MAP3K5: variants seen among roughly 807,000 people sequenced by gnomAD.
The protein encoded by MAP3K5 is mitogen-activated protein kinase kinase kinase 5.
MAP3K5 carries 56 observed loss-of-function variants against 158.7 expected under a neutral mutation model. The observed-to-expected ratio is 0.35, with a 90% CI of 0.28 to 0.44. The LOEUF (loss-of-function observed/expected upper bound fraction) is 0.44. MAP3K5 is among the 20% of genes least tolerant of loss of function. The pLI is 1.00. For missense variants in MAP3K5, 1,294 were observed against 1,674.8 expected (o/e 0.77, Z 3.97); for synonymous variants, 579 against 601.7 (o/e 0.96, Z 0.55).
chr6:136,571,258 C>T (rs1774350068), intron 25 of MAP3K5, among the ~76,000 whole-genome samples: 1 of 152,206 alleles, frequency 6.6e-6, no homozygotes, highest in African/African-American at 2.4e-5. Flanking sequence ...GCTTTACTCA[C>T]TCTCCAATGT....
chr6:136,765,146 G>C (rs1366166083), intron 1 of MAP3K5, among the ~76,000 whole-genome samples: 3 of 152,146 alleles, frequency 2.0e-5, no homozygotes, highest in Non-Finnish European at 4.4e-5. Context: ...AAAGCCTCTT[G>C]GTAGATTCAT....
At chr6:136,579,931 C>G in intron 25 of MAP3K5, 1 of 452,090 alleles carries the variant, frequency 2.2e-6, no homozygotes, top group South Asian at 1.6e-5. Flanking sequence ...TATGCAATAC[C>G]TCCTTAAATT....
intron 21 of MAP3K5, among the ~76,000 whole-genome samples, chr6:136,594,448 G>GA (rs1246241127): frequency 2.0e-5 from 3 of 152,266 alleles, no homozygotes; most frequent in East Asian, 3.9e-4. Context: ...CTTTAGAACA[G>GA]AAAAAAATAG....
Position 136,698,611 on chromosome 6 carries a change from G to A in MAP3K5, c.684C>T (p.Ser228=), listed in dbSNP as rs749209674. 3 of 1,614,016 alleles carry A rather than the reference G, an allele frequency of 1.9e-6. No homozygotes were observed. In the South Asian group the frequency reaches 3.3e-5, roughly 18 times the overall value. ...TPHNKVYCCD[S]SFMKGLTELM... ...GCTCTGTCAACCCCTTCATGAAGCTGCTGTCACAGCAGTAGACTTTGTTAT... is the reference window on the plus strand; with the variant it reads ...GCTCTGTCAACCCCTTCATGAAGCTACTGTCACAGCAGTAGACTTTGTTAT... Residue 228 remains serine (S), a synonymous_variant, in exon 4 of 30, where the codon AGC becomes AGT. Transcript: ENST00000359015.
At chr6:136,741,965 T>G (rs1443993339) in intron 1 of MAP3K5, among the ~76,000 whole-genome samples, 1 of 152,056 alleles carries the variant, frequency 6.6e-6, no homozygotes, top group Non-Finnish European at 1.5e-5. Context: ...TATGAGGAAA[T>G]CTATAAAACC....
chr6:136,761,301 A>AG (rs966825384), intron 1 of MAP3K5, among the ~76,000 whole-genome samples: 1 of 151,328 alleles, frequency 6.6e-6, no homozygotes, highest in East Asian at 1.9e-4. Context: ...AAAAAAAAAA[A>AG]AAAAAACGAA....
intron 21 of MAP3K5, among the ~76,000 whole-genome samples, chr6:136,599,933 G>T (rs1000078169): frequency 6.6e-6 from 1 of 152,026 alleles, no homozygotes; most frequent in African/African-American, 2.4e-5. Context: ...GAGGTACAAG[G>T]GTGTGCCTGT....
At chr6:136,574,084 T>C (rs1774489955) in intron 25 of MAP3K5, among the ~76,000 whole-genome samples, 1 of 152,066 alleles carries the variant, frequency 6.6e-6, no homozygotes, top group African/African-American at 2.4e-5. Context: ...GCATGCGCCA[T>C]CATACCTGGC....
At chr6:136,618,518 G>A (rs1476902555) in intron 15 of MAP3K5, among the ~76,000 whole-genome samples, 1 of 152,230 alleles carries the variant, frequency 6.6e-6, no homozygotes, top group Non-Finnish European at 1.5e-5. Context: ...TTTTAAAAGT[G>A]AGTTTCTTCC....
chr6:136,658,619 AC>A (rs1778871089), intron 9 of MAP3K5, among the ~76,000 whole-genome samples: 1 of 152,072 alleles, frequency 6.6e-6, no homozygotes, highest in Non-Finnish European at 1.5e-5. Flanking sequence ...CCCGGCCAAC[AC>A]TGTTTTTCAA....
In MAP3K5 at chr6:136,557,952, A is replaced by G. The variant is rs572965404; in HGVS notation, c.4065-134T>C. The stretch of plus-strand genomic sequence containing the variant: ...CCCAAAGTCTGATCAGTTATTATGT[A>G]TTCTTTTTGTATATTTTTTCTCATC... On this transcript the variant is annotated intron_variant, in intron 29 of 29. Coordinates refer to ENST00000359015, the MANE Select transcript of MAP3K5 (RefSeq NM_005923.4). 9.3e-6 allele frequency: 6 copies of G among 642,208 alleles called. No individual in the cohort carries two copies. The East Asian group carries it at 1.4e-4, about 15-fold the overall frequency. The allele number at this position is 642,208 out of a possible 1,614,324, so 39.8% of individuals were successfully genotyped here. A position where few individuals can be genotyped will look rare whatever the true frequency, so the allele number is the denominator to read the frequency against.
At chr6:136,677,801 C>G (rs1029316174) in intron 7 of MAP3K5, among the ~76,000 whole-genome samples, 1 of 152,192 alleles carries the variant, frequency 6.6e-6, no homozygotes, top group Admixed American at 6.5e-5. Context: ...AATACAACAG[C>G]ATAGATGACG....
chr6:136,694,795 G>C (rs1486272377), intron 6 of MAP3K5, among the ~76,000 whole-genome samples: 1 of 152,194 alleles, frequency 6.6e-6, no homozygotes, highest in Non-Finnish European at 1.5e-5. Flanking sequence ...TTCTACGTGT[G>C]ACTAACTGAT....
chr6:136,679,377 G>GAT (rs1239125524), intron 7 of MAP3K5, among the ~76,000 whole-genome samples: 1 of 152,110 alleles, frequency 6.6e-6, no homozygotes, highest in Non-Finnish European at 1.5e-5. Context: ...CCTTGTTTGT[G>GAT]ATATAACAGT....
intron 1 of MAP3K5, among the ~76,000 whole-genome samples, chr6:136,782,789 G>A (rs1197949934): frequency 2.6e-5 from 4 of 152,126 alleles, no homozygotes; most frequent in Admixed American, 6.6e-5. Context: ...TTATCACAAT[G>A]TAGTTTCAGT....
chr6:136,700,427 C>T (rs941609269), intron 3 of MAP3K5, among the ~76,000 whole-genome samples: 6 of 152,126 alleles, frequency 3.9e-5, no homozygotes, highest in South Asian at 4.1e-4. Context: ...GGCAATTCTG[C>T]ACTTCTAAGG....
At chr6:136,641,865 G>A (rs992273192) in intron 12 of MAP3K5, among the ~76,000 whole-genome samples, 11 of 151,542 alleles carry the variant, frequency 7.3e-5, no homozygotes, top group East Asian at 1.9e-4. Context: ...ACATGCGCCC[G>A]TAATCCCAGC....
intron 1 of MAP3K5, among the ~76,000 whole-genome samples, chr6:136,746,065 T>C (rs1346606409): frequency 6.6e-6 from 1 of 152,198 alleles, no homozygotes. Flanking sequence ...TGCGAAATGC[T>C]GATGATGTTT....
intron 25 of MAP3K5, among the ~76,000 whole-genome samples, chr6:136,573,957 G>A (rs1774482648): frequency 6.7e-6 from 1 of 149,844 alleles, no homozygotes. Context: ...TTGAGACAGA[G>A]TCTCACTCTG....
Sources: gnomAD v4.1 joint callset for allele counts (sites outside exome capture counted in the v4.1 genomes callset) on GRCh38, gnomAD v4.1.1 for gene constraint, MANE v1.5 for transcripts, NCBI Gene and HGNC (gene_info 2026-07-23, HGNC 2026-07-21) for gene names.